SPAM1: variants seen among roughly 807,000 people sequenced by gnomAD.
SPAM1 encodes the protein hyaluronidase PH-20.
SPAM1 carries 22 observed loss-of-function variants against 29.6 expected under a neutral mutation model. That is an observed-to-expected ratio of 0.74 (90% CI 0.53 to 1.06). SPAM1 has a LOEUF of 1.06. Ranked by LOEUF, SPAM1 falls within the 50% of genes least tolerant of loss-of-function variation. The probability of loss-of-function intolerance (pLI) is 0.00; values close to 1 mark genes in which losing one functional copy is unlikely to be tolerated. For missense variants in SPAM1, 534 were observed against 604.0 expected (o/e 0.88, Z 1.21); for synonymous variants, 194 against 204.6 (o/e 0.95, Z 0.44).
chr7:123,958,695 C>T (rs1792298814), intron 4 of SPAM1, among the ~76,000 whole-genome samples: 1 of 151,666 alleles, frequency 6.6e-6, no homozygotes, highest in African/African-American at 2.4e-5. Context: ...AGACAGATCT[C>T]GTGGCATGTG....
At chr7:123,936,958 T>G (rs1808258382) in intron 1 of SPAM1, among the ~76,000 whole-genome samples, 1 of 152,216 alleles carries the variant, frequency 6.6e-6, no homozygotes, top group Non-Finnish European at 1.5e-5. Flanking sequence ...CTCTTCCTCC[T>G]CCCACCTCAC....
chr7:123,930,332 C>G (rs1056247537), intron 1 of SPAM1, among the ~76,000 whole-genome samples: 1 of 152,074 alleles, frequency 6.6e-6, no homozygotes, highest in Non-Finnish European at 1.5e-5. Context: ...AACAGTAACT[C>G]AATCCAATAA....
chr7:123,964,491 A>G (rs1792398138), downstream of SPAM1, among the ~76,000 whole-genome samples: 1 of 151,904 alleles, frequency 6.6e-6, no homozygotes, highest in Admixed American at 6.6e-5. Flanking sequence ...TTTCTCTGCT[A>G]GGTTTTAAAT....
intron 4 of SPAM1, among the ~76,000 whole-genome samples, chr7:123,955,321 C>G (rs1356348235): frequency 6.6e-6 from 1 of 151,954 alleles, no homozygotes; most frequent in Non-Finnish European, 1.5e-5. Context: ...TTTCTCTAGG[C>G]TACATGACTA....
Position 123,954,015 on chromosome 7 carries a change from G to A in SPAM1, c.445G>A (p.Glu149Lys), listed in dbSNP as rs1792181270. The A allele has an allele frequency of 1.2e-6, 2 of 1,613,674 alleles. No homozygotes were observed. The highest frequency in any genetic ancestry group is 1.7e-6 in the Non-Finnish European group (2 of 1,179,786). ...NLGMAVIDWE[E>K]WRPTWARNWK... ...GGGAATGGCTGTTATTGACTGGGAA[G>A]AATGGAGACCCACTTGGGCAAGAAA... is the stretch of plus-strand genomic sequence containing the variant. Residue 149 changes from glutamate to lysine, a missense_variant, in exon 3 of 5, where the codon GAA (glutamate) becomes AAA (lysine). Physicochemically the swap from Glu to Lys is moderately conservative, Grantham distance 56 (BLOSUM62 1). Coordinates refer to ENST00000682466, the MANE Select transcript of SPAM1 (RefSeq NM_153189.3).
chr7:123,932,000 C>T (rs1008718757), intron 1 of SPAM1: 2 of 152,246 alleles, frequency 1.3e-5, no homozygotes, highest in African/African-American at 4.8e-5. Flanking sequence ...GTGTGCTACC[C>T]TGTGATTCCC....
intron 2 of SPAM1, among the ~76,000 whole-genome samples, chr7:123,952,654 G>T (rs909433535): frequency 6.6e-6 from 1 of 152,024 alleles, no homozygotes; most frequent in Non-Finnish European, 1.5e-5. Flanking sequence ...GCTATAAAAA[G>T]ATGAAAATCT....
At chr7:123,968,993 T>G (rs1792463911) in intron 5 of SPAM1, among the ~76,000 whole-genome samples, 1 of 152,032 alleles carries the variant, frequency 6.6e-6, no homozygotes, top group South Asian at 2.1e-4. Context: ...ATCTCCATAA[T>G]ACCCTGTGAT....
chr7:123,940,681 C>T (rs939619834), intron 1 of SPAM1, among the ~76,000 whole-genome samples: 1 of 151,902 alleles, frequency 6.6e-6, no homozygotes, highest in Non-Finnish European at 1.5e-5. Context: ...TTTTTTTAAA[C>T]ATGGGGGTCT....
chr7:123,941,469 A>G (rs905720714), intron 1 of SPAM1, among the ~76,000 whole-genome samples: 1 of 152,192 alleles, frequency 6.6e-6, no homozygotes, highest in Non-Finnish European at 1.5e-5. Context: ...TCAGCTTTCC[A>G]TTGAATATAC....
chr7:123,946,825 G>A (rs899737268), intron 1 of SPAM1, among the ~76,000 whole-genome samples: 7 of 151,958 alleles, frequency 4.6e-5, no homozygotes, highest in South Asian at 4.2e-4. Flanking sequence ...AGATACGCAT[G>A]TCTCAGGTGA....
intron 1 of SPAM1, among the ~76,000 whole-genome samples, chr7:123,927,566 T>C (rs1347136190): frequency 6.6e-6 from 1 of 152,200 alleles, no homozygotes; most frequent in Admixed American, 6.5e-5. Context: ...GTGCTGTTTT[T>C]AGTGCCCTGA....
At chr7:123,940,953 T>C (rs1452521617) in intron 1 of SPAM1, among the ~76,000 whole-genome samples, 4 of 152,206 alleles carry the variant, frequency 2.6e-5, no homozygotes, top group African/African-American at 9.7e-5. Context: ...TGTTTAATGA[T>C]TGTGATTTTC....
intron 4 of SPAM1, among the ~76,000 whole-genome samples, chr7:123,958,819 A>T (rs866404646): frequency 7.2e-5 from 11 of 152,014 alleles, no homozygotes; most frequent in South Asian, 2.1e-4. Context: ...GCAACAGAGT[A>T]AGACTTTGTC....
downstream of SPAM1, chr7:123,960,099 T>C (rs1792339485): frequency 1.1e-5 from 14 of 1,315,810 alleles, no homozygotes; most frequent in Non-Finnish European, 1.2e-5. Flanking sequence ...TAACTATACC[T>C]AGGAAATGAC....
chr7:123,953,373 G>A lies in SPAM1; in HGVS notation c.-198G>A, dbSNP rs1792160979. 6.4e-6 allele frequency: 3 copies of A among 468,188 alleles called. No homozygotes were observed. The highest frequency in any genetic ancestry group is 1.1e-5 in the Non-Finnish European group (3 of 269,102). 29.0% of individuals were successfully genotyped at this position (468,188 alleles called of 1,614,324 possible). ...CTGTATTTCTTTTTCAGTTATAGGT[G>A]ATGCAACTTGAAAAACAATCCTGAA... On this transcript the variant is annotated 5_prime_UTR_variant, in exon 3 of 5. Coordinates refer to ENST00000682466, the MANE Select transcript of SPAM1 (RefSeq NM_153189.3).
At chr7:123,941,707 G>C (rs1255967550) in intron 1 of SPAM1, among the ~76,000 whole-genome samples, 1 of 152,180 alleles carries the variant, frequency 6.6e-6, no homozygotes, top group Non-Finnish European at 1.5e-5. Context: ...GCCTGACATA[G>C]TTCCCAGGTT....
chr7:123,964,649 T>C (rs1792399644), downstream of SPAM1, among the ~76,000 whole-genome samples: 1 of 151,918 alleles, frequency 6.6e-6, no homozygotes, highest in African/African-American at 2.4e-5. Context: ...CTCAGCCTCC[T>C]TAGTAGCTGA....
At chr7:123,947,575 ACACC>A (rs1808619366) in intron 1 of SPAM1, 1 of 86,532 alleles carries the variant, frequency 1.2e-5, no homozygotes, top group Admixed American at 1.4e-4. Context: ...TGAGATTAAA[ACACC>A]ACACACACAC....
Sources: allele counts gnomAD v4.1 joint callset (sites outside exome capture counted in the v4.1 genomes callset), GRCh38; gene constraint gnomAD v4.1.1; transcripts MANE v1.5; gene names NCBI Gene and HGNC (gene_info 2026-07-23, HGNC 2026-07-21).